Variants in SHISAL2B observed in about 807,000 individuals in gnomAD.
SHISAL2B encodes the protein shisa like 2B.
In SHISAL2B, 12 loss-of-function variants were observed where a neutral mutation model predicts 16.5. The ratio of observed to expected loss-of-function variants is 0.73; its 90% confidence interval spans 0.47 to 1.18. The LOEUF (loss-of-function observed/expected upper bound fraction) is 1.18. Among genes scored for constraint, SHISAL2B ranks in the 50% most tolerant of loss-of-function variants. SHISAL2B has a pLI of 0.00. For missense variants in SHISAL2B, 183 were observed against 193.6 expected (o/e 0.95, Z 0.33); for synonymous variants, 72 against 75.0 (o/e 0.96, Z 0.21).
intron 2 of SHISAL2B, among the ~76,000 whole-genome samples, chr5:64,697,663 T>G (rs761689079): frequency 6.6e-6 from 1 of 152,092 alleles, no homozygotes; most frequent in African/African-American, 2.4e-5. Flanking sequence ...AATTTATATA[T>G]AGAATATATA....
chr5:64,692,372 C>T (rs1160614354), intron 1 of SHISAL2B, among the ~76,000 whole-genome samples: 1 of 152,152 alleles, frequency 6.6e-6, no homozygotes, highest in African/African-American at 2.4e-5. Flanking sequence ...GAACAGCTTG[C>T]TGGGGTCTTC....
chr5:64,715,145 C>G (rs905522678), intron 2 of SHISAL2B, among the ~76,000 whole-genome samples: 3 of 151,994 alleles, frequency 2.0e-5, no homozygotes, highest in African/African-American at 7.2e-5. Flanking sequence ...GAGGGATGTC[C>G]TGATTGATAC....
At chr5:64,710,644 C>T (rs1215074242) in intron 2 of SHISAL2B, among the ~76,000 whole-genome samples, 4 of 105,232 alleles carry the variant, frequency 3.8e-5, no homozygotes, top group African/African-American at 1.7e-4. Context: ...GCCATTTTCA[C>T]GATATTGATT....
chr5:64,690,728 T>TTGCTGCGGCTTCGCCGACCTCAAGTAC lies in SHISAL2B; in HGVS notation c.112_138dup (p.Gly38_Cys46dup). On this transcript the variant is annotated inframe_insertion, in exon 1 of 3. Transcript: ENST00000389074. ...GCGGCGAGGGGGCAGCGCTCCAGTA[T>TTGCTGCGGCTTCGCCGACCTCAAGTAC]TGCTGCGGCTTCGCCGACCTCAAGT... is the stretch of plus-strand genomic sequence containing the variant. The TTGCTGCGGCTTCGCCGACCTCAAGTAC allele has an allele frequency of 6.5e-7, 1 of 1,537,514 alleles. No homozygotes were observed. Among genetic ancestry groups the TTGCTGCGGCTTCGCCGACCTCAAGTAC allele is most frequent in the East Asian group, 2.4e-5 (1 of 40,864 alleles).
At chr5:64,709,560 G>T (rs1246946736) in intron 2 of SHISAL2B, among the ~76,000 whole-genome samples, 1 of 151,248 alleles carries the variant, frequency 6.6e-6, no homozygotes, top group South Asian at 2.1e-4. Context: ...CCTAGTAATG[G>T]GATGGCTGGG....
Position 64,690,814 on chromosome 5 carries a change from G to T in SHISAL2B, c.191G>T (p.Ser64Ile), listed in dbSNP as rs1457645523. The change falls in exon 1 of 3, where the codon AGC becomes ATC. Residue 64 changes from serine to isoleucine, a missense_variant and splice_region_variant. By Grantham distance (142) the Ser-to-Ile change is moderately radical (BLOSUM62 -2). Coordinates refer to ENST00000389074, the MANE Select transcript of SHISAL2B (RefSeq NM_001164442.2). ...AAGCACAGCTACATGTGGAGCCTCAGGTGGGCTGAGAGCCCGCGCGTGCGG... is the reference window on the plus strand; with the variant it reads ...AAGCACAGCTACATGTGGAGCCTCATGTGGGCTGAGAGCCCGCGCGTGCGG... The part of the protein sequence containing the change: ...PYKHSYMWSL[S>I]IGALIGLGIA... 5.9e-6 allele frequency: 9 copies of T among 1,513,680 alleles called. No individual in the cohort carries two copies. The highest frequency in any genetic ancestry group is 7.9e-6 in the Non-Finnish European group (9 of 1,134,720). The allele number at this position is 1,513,680 out of a possible 1,614,324, so 93.8% of individuals were successfully genotyped here. A position where few individuals can be genotyped will look rare whatever the true frequency, so the allele number is the denominator to read the frequency against.
At chr5:64,706,202 G>A (rs1307457601) in intron 2 of SHISAL2B, among the ~76,000 whole-genome samples, 4 of 152,174 alleles carry the variant, frequency 2.6e-5, no homozygotes, top group Non-Finnish European at 5.9e-5. Context: ...GGTTTGGTCT[G>A]GTAAGGTGAG....
chr5:64,709,144 G>C (rs371592934), intron 2 of SHISAL2B, among the ~76,000 whole-genome samples: 1 of 142,628 alleles, frequency 7.0e-6, no homozygotes, highest in African/African-American at 2.7e-5. Flanking sequence ...CCACTAACTC[G>C]TCATCTAGCA....
chr5:64,706,031 C>G (rs1741871376), intron 2 of SHISAL2B, among the ~76,000 whole-genome samples: 1 of 152,174 alleles, frequency 6.6e-6, no homozygotes, highest in South Asian at 2.1e-4. Context: ...CATGTTGGTG[C>G]ATGCCTGTAG....
intron 2 of SHISAL2B, among the ~76,000 whole-genome samples, chr5:64,713,275 A>G (rs961582801): frequency 8.2e-5 from 12 of 145,626 alleles, no homozygotes; most frequent in African/African-American, 3.2e-4. Context: ...TCTGTAAAGT[A>G]TTTTATTTCT....
chr5:64,694,361 A>G (rs1385355146), intron 1 of SHISAL2B, among the ~76,000 whole-genome samples: 1 of 152,238 alleles, frequency 6.6e-6, no homozygotes, highest in African/African-American at 2.4e-5. Context: ...TTATAGGTTA[A>G]AATCTATTGG....
At chr5:64,704,128 G>GC (rs1436778402) in intron 2 of SHISAL2B, among the ~76,000 whole-genome samples, 4 of 152,178 alleles carry the variant, frequency 2.6e-5, no homozygotes, top group Non-Finnish European at 5.9e-5. Flanking sequence ...AAGAACTTCA[G>GC]AATGGTAACA....
At chr5:64,712,725 G>T (rs901561733) in intron 2 of SHISAL2B, among the ~76,000 whole-genome samples, 3 of 152,120 alleles carry the variant, frequency 2.0e-5, no homozygotes, top group African/African-American at 7.2e-5. Flanking sequence ...GGGTGCTCCT[G>T]TATTGGGTGC....
At chr5:64,690,936 C>A in intron 1 of SHISAL2B, 122 bp downstream of exon 1, 3 of 854,428 alleles carry the variant, frequency 3.5e-6, no homozygotes, top group South Asian at 4.7e-5. Context: ...TAGGTTAGGT[C>A]CCTACGGAAG....
chr5:64,701,266 A>G (rs912004233), intron 2 of SHISAL2B, among the ~76,000 whole-genome samples: 3 of 152,194 alleles, frequency 2.0e-5, no homozygotes, highest in African/African-American at 7.2e-5. Context: ...AGGGCCAACT[A>G]TGTGAGAGAA....
chr5:64,717,179 A>C lies in SHISAL2B; in HGVS notation c.350-710A>C, dbSNP rs530377147. Among the ~76,000 whole-genome samples, 7 of 152,340 alleles carry C rather than the reference A, an allele frequency of 4.6e-5. No homozygotes were observed. The East Asian group carries it at 9.6e-4, about 21-fold the overall frequency. ...TCAACTGCTGCTAAGAAATCAAAGAAGATGAGAATGAACTGGACTGTGCAT... is the reference window on the plus strand; with the variant it reads ...TCAACTGCTGCTAAGAAATCAAAGACGATGAGAATGAACTGGACTGTGCAT... On this transcript the variant is annotated intron_variant, in intron 2 of 2. Coordinates refer to ENST00000389074, the MANE Select transcript of SHISAL2B (RefSeq NM_001164442.2).
Position 64,706,195 on chromosome 5 carries a change from T to A in SHISAL2B, c.349+10531T>A, listed in dbSNP as rs149980612. Among the ~76,000 whole-genome samples the A allele has an allele frequency of 1.2e-3, 184 of 152,270 alleles. 1 individual carries two copies. Among genetic ancestry groups the A allele is most frequent in the South Asian group, 2.3e-3 (11 of 4,828 alleles). ...CAAAATGTGTAAGATGTGCATTGGT[T>A]TGGTCTGGTAAGGTGAGACAACACC... On this transcript the variant is annotated intron_variant, in intron 2 of 2. Transcript: ENST00000389074.
intron 2 of SHISAL2B, 113 bp downstream of exon 2, chr5:64,695,777 T>A: frequency 1.3e-6 from 1 of 743,842 alleles, no homozygotes; most frequent in Non-Finnish European, 1.9e-6. Context: ...TTCAGTTCAC[T>A]ATGTGTCTCA....
intron 1 of SHISAL2B, chr5:64,691,640 T>G (rs982610820): frequency 1.3e-5 from 2 of 152,320 alleles, no homozygotes; most frequent in Non-Finnish European, 2.9e-5. Context: ...TTTCCCATAG[T>G]GGCAATTTTA....
Sources: allele counts gnomAD v4.1 joint callset (sites outside exome capture counted in the v4.1 genomes callset), GRCh38; gene constraint gnomAD v4.1.1; transcripts MANE v1.5; gene names NCBI Gene and HGNC (gene_info 2026-07-23, HGNC 2026-07-21).